CSMD1: variants seen among roughly 807,000 people sequenced by gnomAD.
CSMD1 encodes CUB and sushi domain-containing protein 1.
A neutral mutation model predicts 417.5 loss-of-function variants in CSMD1; 213 were observed. The observed-to-expected ratio is 0.51, with a 90% CI of 0.46 to 0.57. The LOEUF (loss-of-function observed/expected upper bound fraction) is 0.57, where lower values mean the gene tolerates loss of function less well. Among genes scored for constraint, CSMD1 ranks in the 20% least tolerant of loss-of-function variants. CSMD1 has a pLI of 0.00. For synonymous variants in CSMD1, 2,862 were observed against 1,736.8 expected (o/e 1.65, Z -16.11); for missense variants, 6,923 against 4,529.7 (o/e 1.53, Z -15.17).
chr8:3,389,505 G>GA (rs112846127), intron 17 of CSMD1, among the ~76,000 whole-genome samples: 31 of 151,656 alleles, frequency 2.0e-4, no homozygotes, highest in East Asian at 1.2e-3. Context: ...GGTTTCTGGG[G>GA]AAAAAAAACA....
chr8:4,747,530 G>A (rs1050434032), intron 1 of CSMD1, among the ~76,000 whole-genome samples: 3 of 152,160 alleles, frequency 2.0e-5, no homozygotes, highest in South Asian at 2.1e-4. Flanking sequence ...TCACTACACT[G>A]ATATTTGTCT....
At chr8:4,016,561 G>A (rs1210657479) in intron 4 of CSMD1, among the ~76,000 whole-genome samples, 2 of 152,232 alleles carry the variant, frequency 1.3e-5, no homozygotes, top group South Asian at 4.1e-4. Context: ...AAAAGATGAA[G>A]ATTCACTTAG....
intron 3 of CSMD1, among the ~76,000 whole-genome samples, chr8:4,330,940 G>C (rs1000681435): frequency 1.3e-5 from 2 of 151,962 alleles, no homozygotes; most frequent in African/African-American, 4.8e-5. Flanking sequence ...TTTTCCCCAT[G>C]TTCATTTTTA....
At chr8:3,468,308 T>A (rs994819134) in intron 12 of CSMD1, among the ~76,000 whole-genome samples, 1 of 152,206 alleles carries the variant, frequency 6.6e-6, no homozygotes, top group African/African-American at 2.4e-5. Flanking sequence ...AATATTTGAA[T>A]TTGGCTCATA....
intron 2 of CSMD1, among the ~76,000 whole-genome samples, chr8:4,616,283 G>A (rs1360662577): frequency 1.3e-5 from 2 of 152,130 alleles, no homozygotes; most frequent in Non-Finnish European, 2.9e-5. Flanking sequence ...AGTCTACACT[G>A]GAATTCCAAA....
chr8:4,272,396 C>A (rs888912000), intron 3 of CSMD1, among the ~76,000 whole-genome samples: 4 of 151,982 alleles, frequency 2.6e-5, no homozygotes, highest in Non-Finnish European at 5.9e-5. Context: ...TTTCCAAGAC[C>A]TATAGACAAT....
chr8:4,280,981 T>G (rs967477928), intron 3 of CSMD1, among the ~76,000 whole-genome samples: 8 of 152,300 alleles, frequency 5.3e-5, no homozygotes, highest in South Asian at 2.1e-4. Flanking sequence ...AGTAATAGAA[T>G]AAAGTAGTGG....
At chr8:3,247,437 C>G (rs1019828840) in intron 26 of CSMD1, among the ~76,000 whole-genome samples, 1 of 152,174 alleles carries the variant, frequency 6.6e-6, no homozygotes, top group African/African-American at 2.4e-5. Context: ...CCTTGTATCT[C>G]TGACAAACCA....
chr8:4,807,921 C>T (rs1312658295), intron 1 of CSMD1, among the ~76,000 whole-genome samples: 1 of 152,184 alleles, frequency 6.6e-6, no homozygotes, highest in Non-Finnish European at 1.5e-5. Context: ...TCTCTTTCTA[C>T]TGCTTTTCTA....
In CSMD1 at chr8:4,073,941, T is replaced by G. The variant is rs558146559; in HGVS notation, c.416-41842A>C. Among the ~76,000 whole-genome samples the G allele has an allele frequency of 2.3e-4, 35 of 152,240 alleles. 1 individual carries two copies. Among genetic ancestry groups the G allele is most frequent in the Non-Finnish European group, 2.1e-4 (14 of 67,944 alleles). ...AATCTATACAGACGGTTTTTGACGG[T>G]TGCTTCTTTTGATAAATCACTATAA... On this transcript the variant is annotated intron_variant, in intron 3 of 69. Transcript: ENST00000635120.
intron 1 of CSMD1, among the ~76,000 whole-genome samples, chr8:4,900,919 C>T (rs1037532301): frequency 1.3e-5 from 2 of 152,200 alleles, no homozygotes; most frequent in Non-Finnish European, 2.9e-5. Flanking sequence ...ACTTCTCTCC[C>T]TTGCATCCTA....
chr8:4,240,260 C>A (rs1055632403), intron 3 of CSMD1, among the ~76,000 whole-genome samples: 34 of 152,348 alleles, frequency 2.2e-4, no homozygotes, highest in African/African-American at 7.7e-4. Flanking sequence ...GGGCTGGCAG[C>A]CTTTTCACTG....
At chr8:4,628,526 A>G (rs1316448562) in intron 2 of CSMD1, among the ~76,000 whole-genome samples, 1 of 151,688 alleles carries the variant, frequency 6.6e-6, no homozygotes, top group Non-Finnish European at 1.5e-5. Flanking sequence ...CAGAGAGAGA[A>G]AGAGACATAG....
chr8:3,294,527 G>T (rs538621278), intron 25 of CSMD1, among the ~76,000 whole-genome samples: 1 of 151,266 alleles, frequency 6.6e-6, no homozygotes, highest in Admixed American at 6.6e-5. Flanking sequence ...AATGGCGGGC[G>T]CCCCTCCCCC....
intron 12 of CSMD1, among the ~76,000 whole-genome samples, chr8:3,463,713 C>A (rs1816644957): frequency 6.6e-6 from 1 of 152,204 alleles, no homozygotes; most frequent in South Asian, 2.1e-4. Flanking sequence ...ACGGGCGAGA[C>A]TGGGCTGGGT....
At chr8:3,742,933 G>A (rs544078363) in intron 6 of CSMD1, among the ~76,000 whole-genome samples, 1 of 152,128 alleles carries the variant, frequency 6.6e-6, no homozygotes, top group African/African-American at 2.4e-5. Context: ...GCCTCATGTC[G>A]CACTCATCTT....
intron 3 of CSMD1, among the ~76,000 whole-genome samples, chr8:4,371,954 A>T (rs577976747): frequency 1.5e-4 from 23 of 152,226 alleles, no homozygotes; most frequent in Non-Finnish European, 2.6e-4. Flanking sequence ...TAGCTCCGCT[A>T]ATATAAACTC....
At chr8:3,002,105 T>C (rs1303022464) in intron 52 of CSMD1, among the ~76,000 whole-genome samples, 1 of 152,140 alleles carries the variant, frequency 6.6e-6, no homozygotes, top group South Asian at 2.1e-4. Context: ...CATTGGCAGG[T>C]ATTCCAGTCA....
chr8:4,639,921 T>C (rs1363903975), intron 1 of CSMD1, among the ~76,000 whole-genome samples: 2 of 152,092 alleles, frequency 1.3e-5, no homozygotes, highest in East Asian at 3.8e-4. Context: ...AACAAGTAAA[T>C]ATTAAAGCTG....
Sources: gnomAD v4.1 joint callset for allele counts (sites outside exome capture counted in the v4.1 genomes callset) on GRCh38, gnomAD v4.1.1 for gene constraint, MANE v1.5 for transcripts, NCBI Gene and HGNC (gene_info 2026-07-23, HGNC 2026-07-21) for gene names.